Variants in THAP4 observed in about 807,000 individuals in gnomAD.
THAP4 encodes peroxynitrite isomerase THAP4.
Under a neutral mutation model 48.1 loss-of-function variants are expected in THAP4, and 18 were observed. The ratio of observed to expected loss-of-function variants is 0.37; its 90% CI spans 0.26 to 0.56. The LOEUF is 0.56. THAP4 is among the 20% of genes least tolerant of loss of function. THAP4 has a pLI of 0.78. For synonymous variants in THAP4, 345 were observed against 324.9 expected, an observed-to-expected ratio of 1.06 and a Z score of -0.66; for missense variants, 656 against 774.9, an observed-to-expected ratio of 0.85 and a Z score of 1.82.
rs1418202004 is a variant in THAP4 at position 241,637,028 on chromosome 2, G to A, written c.-11C>T. The stretch of plus-strand genomic sequence containing the variant: ...ACAGCAGATCACCATCGCGGGCCTT[G>A]GCCCAGCCGCGCAGCCAGGCCCCGG... On this transcript the variant is annotated 5_prime_UTR_variant, in exon 1 of 6. Coordinates refer to ENST00000407315, the MANE Select transcript of THAP4 (RefSeq NM_015963.6). 1 of 1,254,132 alleles carries A rather than the reference G, an allele frequency of 8.0e-7. No homozygotes were observed. Among genetic ancestry groups the A allele is most frequent in the Admixed American group, 2.4e-5 (1 of 40,964 alleles). The allele number at this position is 1,254,132 out of a possible 1,614,324, so 77.7% of individuals were successfully genotyped here. A position where few individuals can be genotyped will look rare whatever the true frequency, so the allele number is the denominator to read the frequency against.
At chr2:241,637,275 C>A, upstream of THAP4, 1 of 1,103,724 alleles carries the variant, frequency 9.1e-7, no homozygotes. Context: ...CTCGCAGCGT[C>A]CGTCGGCAGG....
Position 241,632,279 on chromosome 2 carries a change from T to C in THAP4, c.1240+638A>G, listed in dbSNP as rs141159497. 2.8e-4 allele frequency among the ~76,000 whole-genome samples: 43 copies of C among 152,162 alleles called. 1 individual carries two copies. In the East Asian group the frequency reaches 7.3e-3, roughly 26 times the overall value. On this transcript the variant is annotated intron_variant, in intron 2 of 5. Transcript: ENST00000407315. ...AGCTAGTTTTTGTATGTTTTAGTAGTATGTTTTTGTATGTTTCACCATATT... is the reference window on the plus strand; with the variant it reads ...AGCTAGTTTTTGTATGTTTTAGTAGCATGTTTTTGTATGTTTCACCATATT...
chr2:241,604,231 C>T (rs546812638), intron 3 of THAP4, among the ~76,000 whole-genome samples: 1 of 150,506 alleles, frequency 6.6e-6, no homozygotes, highest in African/African-American at 2.5e-5. Context: ...CCACCACACC[C>T]GGCTAATTTA....
chr2:241,636,056 A>G (rs1335395079), intron 1 of THAP4, among the ~76,000 whole-genome samples: 1 of 152,322 alleles, frequency 6.6e-6, no homozygotes, highest in East Asian at 1.9e-4. Flanking sequence ...ACAATAACAA[A>G]ACTTCTAGGA....
At chr2:241,605,425 ATTAC>A (rs1307396936) in intron 3 of THAP4, among the ~76,000 whole-genome samples, 2 of 152,170 alleles carry the variant, frequency 1.3e-5, no homozygotes, top group Non-Finnish European at 2.9e-5. Context: ...AAAACTGTGT[ATTAC>A]TTCTATAATT....
At chr2:241,600,651 C>T (rs1338737756) in intron 5 of THAP4, among the ~76,000 whole-genome samples, 1 of 148,816 alleles carries the variant, frequency 6.7e-6, no homozygotes, top group African/African-American at 2.5e-5. Context: ...TGGCGTGAAC[C>T]CAGGAGGCAG....
intron 2 of THAP4, among the ~76,000 whole-genome samples, chr2:241,628,926 A>G (rs1575038895): frequency 4.9e-5 from 1 of 20,558 alleles, no homozygotes; most frequent in East Asian, 4.5e-3. Context: ...AGATTGTCTC[A>G]AAAAAAAAAA....
intron 2 of THAP4, among the ~76,000 whole-genome samples, chr2:241,618,327 T>A (rs193223099): frequency 6.6e-6 from 1 of 152,358 alleles, no homozygotes; most frequent in East Asian, 1.9e-4. Context: ...ATAAAGTGGA[T>A]ACAAATAATT....
chr2:241,624,443 C>T (rs1351046057), intron 2 of THAP4, among the ~76,000 whole-genome samples: 3 of 151,420 alleles, frequency 2.0e-5, no homozygotes, highest in African/African-American at 4.9e-5. Context: ...GCCGAGATCG[C>T]GCCACTGTAC....
At chr2:241,618,698 T>A (rs1326422296) in intron 2 of THAP4, among the ~76,000 whole-genome samples, 4 of 152,150 alleles carry the variant, frequency 2.6e-5, no homozygotes, top group African/African-American at 9.7e-5. Flanking sequence ...GGGAAGGAAC[T>A]GGTGGGAACT....
intron 5 of THAP4, chr2:241,594,784 A>G (rs2125070772): frequency 6.2e-6 from 1 of 160,370 alleles, no homozygotes; most frequent in Admixed American, 6.3e-5. Context: ...TCAAAAACAA[A>G]CAAAAAAATG....
chr2:241,610,515 G>C lies in THAP4; in HGVS notation c.1241-4042C>G, dbSNP rs2125083447. On this transcript the variant is annotated intron_variant, in intron 2 of 5. Coordinates refer to ENST00000407315, the MANE Select transcript of THAP4 (RefSeq NM_015963.6). The surrounding 1 kb of genome is among the most constrained non-coding windows in gnomAD (Gnocchi z 4.2). ...TCACTCAAGAGCTCCAGCAAGAGCAGAGGCGGGAGCCTCGCCAGCCCCTCC... is the reference window on the plus strand; with the variant it reads ...TCACTCAAGAGCTCCAGCAAGAGCACAGGCGGGAGCCTCGCCAGCCCCTCC... Among the ~76,000 whole-genome samples the C allele has an allele frequency of 6.6e-6, 1 of 152,306 alleles. No homozygotes were observed. Among genetic ancestry groups the C allele is most frequent in the African/African-American group, 2.4e-5 (1 of 41,576 alleles).
intron 3 of THAP4, among the ~76,000 whole-genome samples, chr2:241,605,438 T>C (rs2067169871): frequency 6.6e-6 from 1 of 152,180 alleles, no homozygotes; most frequent in Non-Finnish European, 1.5e-5. Flanking sequence ...ACTTCTATAA[T>C]TAAAAAATAA....
At chr2:241,602,371 T>C (rs1216349294) in intron 4 of THAP4, among the ~76,000 whole-genome samples, 2 of 149,172 alleles carry the variant, frequency 1.3e-5, no homozygotes, top group Non-Finnish European at 3.0e-5. Flanking sequence ...TTTTTTTTTT[T>C]CTTTTTTTTT....
At chr2:241,637,452 T>C (rs959122815), upstream of THAP4, 10 of 1,469,956 alleles carry the variant, frequency 6.8e-6, no homozygotes, top group Non-Finnish European at 9.0e-6. Flanking sequence ...GCGCCACCCA[T>C]GGCACACAGT....
At position 241,633,624 on chromosome 2, in the gene THAP4, C is replaced by A. The variant is rs2067599268; in HGVS notation, c.533G>T (p.Gly178Val). 6.2e-7 allele frequency: 1 copy of A among 1,613,062 alleles called. No homozygotes were observed. The highest frequency in any genetic ancestry group is 1.7e-5 in the Admixed American group (1 of 60,002). Residue 178 changes from glycine (G) to valine (V), a missense_variant, in exon 2 of 6, where the codon GGA becomes GTA. Coordinates refer to ENST00000407315, the MANE Select transcript of THAP4 (RefSeq NM_015963.6). The surrounding 1 kb of genome is among the most constrained non-coding windows in gnomAD (Gnocchi z 7.5). ...QQALERTPGD[G>V]LATMVAGSQG... is the part of the protein sequence containing the mutation. ...ACTGCCTGCCACCATGGTGGCCAGT[C>A]CATCTCCTGGAGTCCGTTCCAGAGC... is the stretch of plus-strand genomic sequence containing the variant.
Position 241,612,141 on chromosome 2 carries a change from G to C in THAP4, c.1241-5668C>G, listed in dbSNP as rs745815785. ...GGTGAAACATGACCTGGCAGAAGTCGAGAAAGTAAAAGAAAAAAAATCAAG... is the reference window on the plus strand; with the variant it reads ...GGTGAAACATGACCTGGCAGAAGTCCAGAAAGTAAAAGAAAAAAAATCAAG... On this transcript the variant is annotated intron_variant, in intron 2 of 5. Coordinates refer to ENST00000407315, the MANE Select transcript of THAP4 (RefSeq NM_015963.6). This position sits in a 1 kb window ranked among gnomAD's most constrained non-coding sequence, Gnocchi z 4.1. 6.6e-6 allele frequency among the ~76,000 whole-genome samples: 1 copy of C among 152,026 alleles called. No homozygotes were observed. The highest frequency in any genetic ancestry group is 6.6e-5 in the Admixed American group (1 of 15,236).
chr2:241,609,553 G>GAGACGGGCAGATCACCTCAGGTCA (rs1226033990), intron 2 of THAP4, among the ~76,000 whole-genome samples: 1 of 152,194 alleles, frequency 6.6e-6, no homozygotes, highest in Non-Finnish European at 1.5e-5. Context: ...TTGGGATGCC[G>GAGACGGGCAGATCACCTCAGGTCA]AGACGGGCAG....
chr2:241,594,230 T>C (rs186873478), intron 5 of THAP4, among the ~76,000 whole-genome samples: 564 of 151,820 alleles, frequency 3.7e-3, no homozygotes, highest in African/African-American at 0.013. Context: ...TAGCCAGGGG[T>C]TGGGGGAGAT....
Sources: gnomAD v4.1 joint callset for allele counts (sites outside exome capture counted in the v4.1 genomes callset) on GRCh38, gnomAD v4.1.1 for gene constraint, Gnocchi (gnomAD v3.1) non-coding constraint, MANE v1.5 for transcripts, NCBI Gene and HGNC (gene_info 2026-07-23, HGNC 2026-07-21) for gene names.